Variants in BACH2 observed in about 807,000 individuals in gnomAD.
BACH2 encodes BACH transcriptional regulator 2, also known as transcription regulator protein BACH2.
In BACH2, 5 loss-of-function variants were observed where a neutral mutation model predicts 61.8. That is an observed-to-expected ratio of 0.08 (90% confidence interval 0.04 to 0.17). The LOEUF (loss-of-function observed/expected upper bound fraction) is 0.17, where lower values mean the gene tolerates loss of function less well. BACH2 is among the 10% of genes least tolerant of loss of function. The probability of loss-of-function intolerance (pLI) is 1.00; values close to 1 mark genes in which losing one functional copy is unlikely to be tolerated. For missense variants in BACH2, 824 were observed against 1,091.1 expected (o/e 0.76, Z 3.45); for synonymous variants, 446 against 440.1 (o/e 1.01, Z -0.17).
chr6:89,943,445 A>G (rs1020806499), intron 7 of BACH2, among the ~76,000 whole-genome samples: 2 of 151,722 alleles, frequency 1.3e-5, no homozygotes, highest in African/African-American at 4.8e-5. Flanking sequence ...TTCTGTAAGT[A>G]TTATATAAAA....
intron 1 of BACH2, among the ~76,000 whole-genome samples, chr6:90,273,568 T>C (rs2127882649): frequency 6.6e-6 from 1 of 152,264 alleles, no homozygotes; most frequent in Non-Finnish European, 1.5e-5. Context: ...TATTACACCT[T>C]CCATCATTTG....
chr6:90,138,943 C>T (rs887454858), intron 4 of BACH2, among the ~76,000 whole-genome samples: 13 of 152,134 alleles, frequency 8.5e-5, no homozygotes, highest in South Asian at 2.1e-4. Flanking sequence ...GTTAAACCTG[C>T]GGGCCTCAAG....
At chr6:90,054,610 G>C (rs1447907543) in intron 5 of BACH2, among the ~76,000 whole-genome samples, 2 of 152,232 alleles carry the variant, frequency 1.3e-5, no homozygotes, top group East Asian at 3.9e-4. Context: ...CTCTCTGACA[G>C]CTTTGAAGAG....
intron 6 of BACH2, among the ~76,000 whole-genome samples, chr6:89,991,718 T>C (rs1224911033): frequency 6.6e-6 from 1 of 152,108 alleles, no homozygotes; most frequent in African/African-American, 2.4e-5. Flanking sequence ...TTATAGATTT[T>C]TTTTTTTTCA....
chr6:90,190,467 G>T (rs145823914), intron 4 of BACH2, among the ~76,000 whole-genome samples: 2 of 152,256 alleles, frequency 1.3e-5, no homozygotes, highest in East Asian at 3.9e-4. Context: ...AAACATTCCA[G>T]AACACTTATC....
chr6:90,264,353 C>T (rs1771259780), intron 2 of BACH2, among the ~76,000 whole-genome samples: 1 of 152,018 alleles, frequency 6.6e-6, no homozygotes. Flanking sequence ...AAAATGAACC[C>T]CTCTTGCCAA....
chr6:89,945,913 T>C (rs1407612958), intron 7 of BACH2, among the ~76,000 whole-genome samples: 1 of 151,282 alleles, frequency 6.6e-6, no homozygotes, highest in East Asian at 2.0e-4. Context: ...CTTTGTGATT[T>C]TCACTTATGT....
intron 5 of BACH2, among the ~76,000 whole-genome samples, chr6:90,020,565 C>T (rs557262622): frequency 3.7e-5 from 5 of 134,664 alleles, no homozygotes; most frequent in East Asian, 1.9e-4. Context: ...CTCGAACTTG[C>T]CAGCCTCTAG....
rs1275362203 is a variant in BACH2 at position 89,929,984 on chromosome 6, A to C, written c.*2424T>G. On this transcript the variant is annotated 3_prime_UTR_variant, in exon 9 of 9. Transcript: ENST00000257749. ...TGATTCACATTGAGTTTATATTCTC[A>C]CTGTCACCAGTTTTCCACAAAGGCA... is the stretch of plus-strand genomic sequence containing the variant. The C allele has an allele frequency of 6.6e-6, 1 of 152,264 alleles. No homozygotes were observed. Among genetic ancestry groups the C allele is most frequent in the African/African-American group, 2.4e-5 (1 of 41,414 alleles). 9.4% of individuals were successfully genotyped at this position (152,264 alleles called of 1,614,324 possible).
intron 6 of BACH2, among the ~76,000 whole-genome samples, chr6:89,967,811 G>A (rs780696875): frequency 1.2e-4 from 18 of 152,254 alleles, no homozygotes; most frequent in Middle Eastern, 3.4e-3. Context: ...CTCTGTTGAT[G>A]CCATCTCTCC....
intron 6 of BACH2, among the ~76,000 whole-genome samples, chr6:89,957,251 C>T (rs375721588): frequency 2.6e-5 from 4 of 152,360 alleles, no homozygotes; most frequent in African/African-American, 9.6e-5. Flanking sequence ...GATCAGGCAT[C>T]ACTCCTCATC....
At chr6:90,092,154 C>T (rs987811881) in intron 4 of BACH2, among the ~76,000 whole-genome samples, 3 of 151,788 alleles carry the variant, frequency 2.0e-5, no homozygotes, top group Admixed American at 2.0e-4. Flanking sequence ...GATACTCAAA[C>T]TGTACAACTA....
chr6:90,189,304 TAA>T (rs1409809736), intron 4 of BACH2, among the ~76,000 whole-genome samples: 1 of 152,018 alleles, frequency 6.6e-6, no homozygotes, highest in Non-Finnish European at 1.5e-5. Context: ...ATGTGCAAGT[TAA>T]CACTTCAAGA....
At chr6:90,248,138 G>A (rs984746851) in intron 3 of BACH2, among the ~76,000 whole-genome samples, 10 of 152,178 alleles carry the variant, frequency 6.6e-5, no homozygotes, top group South Asian at 2.1e-4. Context: ...GCAACAACCC[G>A]TCCACATGTA....
At chr6:90,115,895 C>T (rs1783377804) in intron 4 of BACH2, among the ~76,000 whole-genome samples, 1 of 152,022 alleles carries the variant, frequency 6.6e-6, no homozygotes, top group African/African-American at 2.4e-5. Context: ...GACATACATG[C>T]AGTCAACAAG....
At chr6:90,026,407 G>A (rs142702148) in intron 5 of BACH2, among the ~76,000 whole-genome samples, 5 of 152,300 alleles carry the variant, frequency 3.3e-5, no homozygotes, top group African/African-American at 1.2e-4. Flanking sequence ...TGACAATGCT[G>A]GGCTTGAGTT....
intron 3 of BACH2, among the ~76,000 whole-genome samples, chr6:90,225,347 A>G (rs1374440288): frequency 2.0e-5 from 3 of 152,154 alleles, no homozygotes; most frequent in Admixed American, 6.5e-5. Context: ...TGATCATGCC[A>G]CTGCACTCCA....
intron 4 of BACH2, among the ~76,000 whole-genome samples, chr6:90,149,289 T>C (rs764253756): frequency 5.9e-5 from 9 of 152,234 alleles, no homozygotes; most frequent in Non-Finnish European, 1.0e-4. Flanking sequence ...ACTCATGTAA[T>C]GCTCAAAAGA....
chr6:89,959,075 A>G (rs1228068834), intron 6 of BACH2, among the ~76,000 whole-genome samples: 3 of 149,858 alleles, frequency 2.0e-5, no homozygotes, highest in Non-Finnish European at 3.0e-5. Flanking sequence ...TGGCCCTGTC[A>G]ATAACACATG....
Sources: allele counts gnomAD v4.1 joint callset (sites outside exome capture counted in the v4.1 genomes callset), GRCh38; gene constraint gnomAD v4.1.1; transcripts MANE v1.5; gene names NCBI Gene and HGNC (gene_info 2026-07-23, HGNC 2026-07-21).